The following ELMO1 variants were observed in gnomAD, a reference collection of about 807,000 sequenced individuals.
ELMO1 encodes the protein engulfment and cell motility 1.
A neutral mutation model predicts 98.9 loss-of-function variants in ELMO1; 26 were observed. The observed-to-expected ratio is 0.26, with a 90% CI of 0.19 to 0.36. The LOEUF (loss-of-function observed/expected upper bound fraction) is 0.36. Among genes scored for constraint, ELMO1 ranks in the 10% least tolerant of loss-of-function variants. ELMO1 has a pLI of 1.00. For synonymous variants in ELMO1, 346 were observed against 346.0 expected (o/e 1.00, Z 0.00); for missense variants, 627 against 935.2 (o/e 0.67, Z 4.30).
chr7:36,995,307 A>C (rs1279982331), intron 16 of ELMO1, among the ~76,000 whole-genome samples: 3 of 152,148 alleles, frequency 2.0e-5, no homozygotes, highest in Admixed American at 6.5e-5. Flanking sequence ...CAGGAGATCA[A>C]GACCATCCTG....
intron 1 of ELMO1, among the ~76,000 whole-genome samples, chr7:37,400,764 C>T (rs62459390): frequency 0.011 from 1,644 of 152,302 alleles, 17 homozygotes; most frequent in Non-Finnish European, 0.018. Context: ...TCTCCCCGCT[C>T]CAGACCATCA....
chr7:37,157,341 A>C (rs1387103410), intron 13 of ELMO1, among the ~76,000 whole-genome samples: 1 of 152,200 alleles, frequency 6.6e-6, no homozygotes, highest in Non-Finnish European at 1.5e-5. Context: ...GAAAGAAATA[A>C]AGGCTATTCA....
intron 2 of ELMO1, among the ~76,000 whole-genome samples, chr7:37,324,648 C>A (rs1799702815): frequency 6.6e-6 from 1 of 152,158 alleles, no homozygotes; most frequent in South Asian, 2.1e-4. Context: ...GTGTTATGAT[C>A]TTGACTCACT....
intron 16 of ELMO1, among the ~76,000 whole-genome samples, chr7:36,946,055 G>C (rs934415558): frequency 6.6e-6 from 1 of 152,238 alleles, no homozygotes; most frequent in African/African-American, 2.4e-5. Context: ...AGGCACAGCA[G>C]AGGTAGCCTG....
chr7:36,894,767 C>T (rs1484952992), intron 17 of ELMO1, 87 bp downstream of exon 17: 2 of 1,558,364 alleles, frequency 1.3e-6, no homozygotes, highest in African/African-American at 1.4e-5. Context: ...GAGCTCACAA[C>T]ACAGCCCAGC....
At chr7:36,990,112 C>T (rs777261067) in intron 16 of ELMO1, among the ~76,000 whole-genome samples, 2 of 152,120 alleles carry the variant, frequency 1.3e-5, no homozygotes, top group Non-Finnish European at 2.9e-5. Flanking sequence ...ATAGCATCTT[C>T]GAGGAAACTT....
chr7:37,188,504 T>A (rs13310257), intron 13 of ELMO1, among the ~76,000 whole-genome samples: 931 of 88,590 alleles, frequency 0.011, 37 homozygotes, highest in African/African-American at 0.039. Flanking sequence ...AAAAAAAAAA[T>A]AATAATAATA....
At chr7:37,183,293 C>T (rs967660571) in intron 13 of ELMO1, among the ~76,000 whole-genome samples, 44 of 152,296 alleles carry the variant, frequency 2.9e-4, no homozygotes, top group African/African-American at 8.9e-4. Context: ...AAATAAACCC[C>T]GGCTGTAAAG....
At chr7:37,444,304 T>C (rs1409577029) in intron 1 of ELMO1, among the ~76,000 whole-genome samples, 1 of 152,118 alleles carries the variant, frequency 6.6e-6, no homozygotes, top group Non-Finnish European at 1.5e-5. Flanking sequence ...TTGAGCAGAG[T>C]AAATTTCCAA....
chr7:37,151,229 C>A (rs1281928777), intron 13 of ELMO1, among the ~76,000 whole-genome samples: 1 of 152,244 alleles, frequency 6.6e-6, no homozygotes, highest in Non-Finnish European at 1.5e-5. Flanking sequence ...GTTTGCCCAA[C>A]TTTCCTTTCC....
chr7:37,077,036 G>A (rs1462510218), intron 15 of ELMO1, among the ~76,000 whole-genome samples: 6 of 152,296 alleles, frequency 3.9e-5, no homozygotes, highest in Admixed American at 2.6e-4. Context: ...ACTGTCTTCT[G>A]TCCAGTTCAG....
intron 2 of ELMO1, among the ~76,000 whole-genome samples, chr7:37,323,255 T>C (rs906459357): frequency 3.3e-5 from 5 of 152,118 alleles, no homozygotes; most frequent in African/African-American, 9.7e-5. Context: ...ATTCAAGGAG[T>C]AGCTTTTCTT....
intron 14 of ELMO1, among the ~76,000 whole-genome samples, chr7:37,102,557 C>T (rs1784697108): frequency 6.6e-6 from 1 of 152,180 alleles, no homozygotes; most frequent in Non-Finnish European, 1.5e-5. Context: ...TTTAGGGATG[C>T]CATCAAGATG....
chr7:37,279,634 A>C (rs1797037286), intron 4 of ELMO1, among the ~76,000 whole-genome samples: 1 of 152,194 alleles, frequency 6.6e-6, no homozygotes, highest in Admixed American at 6.5e-5. Flanking sequence ...GCCAATTTAG[A>C]GACGGGAGAG....
chr7:37,302,844 G>C (rs1240588984), intron 4 of ELMO1, among the ~76,000 whole-genome samples: 1 of 152,124 alleles, frequency 6.6e-6, no homozygotes, highest in Non-Finnish European at 1.5e-5. Flanking sequence ...GAAACAATCA[G>C]ACAATAAATT....
intron 13 of ELMO1, among the ~76,000 whole-genome samples, chr7:37,162,721 A>G (rs1326700277): frequency 1.3e-5 from 2 of 152,232 alleles, no homozygotes; most frequent in Non-Finnish European, 2.9e-5. Context: ...GCAAAAAAAT[A>G]AGGCTGATCC....
intron 14 of ELMO1, among the ~76,000 whole-genome samples, chr7:37,103,767 C>G (rs1389959557): frequency 2.0e-5 from 3 of 151,616 alleles, no homozygotes; most frequent in African/African-American, 4.8e-5. Context: ...GAGGCCGAGG[C>G]AGGCGGATCA....
chr7:37,382,375 G>A (rs1468569011), intron 1 of ELMO1, among the ~76,000 whole-genome samples: 1 of 152,072 alleles, frequency 6.6e-6, no homozygotes, highest in African/African-American at 2.4e-5. Flanking sequence ...GCTTTTTCTT[G>A]TATTATTTTT....
intron 1 of ELMO1, among the ~76,000 whole-genome samples, chr7:37,425,663 G>A (rs565424353): frequency 6.6e-6 from 1 of 152,328 alleles, no homozygotes; most frequent in East Asian, 1.9e-4. Context: ...TTTCCCATGT[G>A]TAAAATGAGT....
Sources: allele counts gnomAD v4.1 joint callset (sites outside exome capture counted in the v4.1 genomes callset), GRCh38; gene constraint gnomAD v4.1.1; transcripts MANE v1.5; gene names NCBI Gene and HGNC (gene_info 2026-07-23, HGNC 2026-07-21).